Variants in SUCLG2 observed in about 807,000 individuals in gnomAD.
SUCLG2 encodes the protein succinate--CoA ligase [GDP-forming] subunit beta, mitochondrial.
A neutral mutation model predicts 47.9 loss-of-function variants in SUCLG2; 42 were observed. The ratio of observed to expected loss-of-function variants is 0.88; its 90% CI spans 0.69 to 1.14. SUCLG2 has a LOEUF of 1.14. Among genes scored for constraint, SUCLG2 ranks in the 50% most tolerant of loss-of-function variants. The pLI is 0.00. For synonymous variants in SUCLG2, 195 were observed against 197.3 expected (o/e 0.99, Z 0.10); for missense variants, 571 against 525.9 (o/e 1.09, Z -0.84).
At chr3:67,413,380 T>C (rs1014862449) in intron 9 of SUCLG2, among the ~76,000 whole-genome samples, 1 of 152,210 alleles carries the variant, frequency 6.6e-6, no homozygotes, top group African/African-American at 2.4e-5. Context: ...AATCCCCATG[T>C]GGTCTTCCAG....
At chr3:67,639,248 C>G (rs1379555915) in intron 1 of SUCLG2, among the ~76,000 whole-genome samples, 1 of 152,030 alleles carries the variant, frequency 6.6e-6, no homozygotes, top group East Asian at 1.9e-4. Flanking sequence ...TGGAGGGGCT[C>G]AAATGTGGAT....
chr3:67,439,390 C>T (rs1362160292), intron 9 of SUCLG2, among the ~76,000 whole-genome samples: 1 of 152,134 alleles, frequency 6.6e-6, no homozygotes, highest in Non-Finnish European at 1.5e-5. Context: ...CCGGCCAGGG[C>T]AATCAGGCAA....
intron 10 of SUCLG2, among the ~76,000 whole-genome samples, chr3:67,392,791 G>A: frequency 6.6e-6 from 1 of 152,068 alleles, no homozygotes; most frequent in East Asian, 1.9e-4. Flanking sequence ...AATCAAGGCA[G>A]TGGCACCATA....
rs562392165 is a variant in SUCLG2, at chr3:67,385,470, G to A, written c.1184-9611C>T. On this transcript the variant is annotated intron_variant, in intron 10 of 10. Transcript: ENST00000307227. Reference sequence around the variant, plus strand: ...TCTTTGCCTATCACTGGCTCCATCCGGGAGTGGTGATGGTGTAGGGAGCTG... The same window carrying A: ...TCTTTGCCTATCACTGGCTCCATCCAGGAGTGGTGATGGTGTAGGGAGCTG... Among the ~76,000 whole-genome samples the A allele has an allele frequency of 2.6e-5, 4 of 152,322 alleles. No homozygotes were observed. In the South Asian group the frequency reaches 8.3e-4, roughly 32 times the overall value.
chr3:67,536,555 C>A (rs1706548293), intron 2 of SUCLG2, among the ~76,000 whole-genome samples: 1 of 152,202 alleles, frequency 6.6e-6, no homozygotes, highest in Admixed American at 6.5e-5. Context: ...TCTGTGCCTG[C>A]AAATCACCAA....
intron 2 of SUCLG2, among the ~76,000 whole-genome samples, chr3:67,529,651 C>A (rs1310294302): frequency 6.6e-6 from 1 of 152,192 alleles, no homozygotes; most frequent in Non-Finnish European, 1.5e-5. Flanking sequence ...TAGTTAATAA[C>A]TGCATTATTG....
intron 2 of SUCLG2, among the ~76,000 whole-genome samples, chr3:67,593,188 G>A (rs958512344): frequency 6.6e-6 from 1 of 152,066 alleles, no homozygotes; most frequent in Non-Finnish European, 1.5e-5. Flanking sequence ...ATAGTGGCTT[G>A]TTATTATATT....
At chr3:67,571,769 C>T (rs1707617909) in intron 2 of SUCLG2, among the ~76,000 whole-genome samples, 3 of 152,092 alleles carry the variant, frequency 2.0e-5, no homozygotes. Flanking sequence ...ATCACTTTTT[C>T]TTTGGTTTAG....
intron 1 of SUCLG2, among the ~76,000 whole-genome samples, chr3:67,617,235 G>A (rs1009476866): frequency 6.6e-6 from 1 of 152,178 alleles, no homozygotes; most frequent in Non-Finnish European, 1.5e-5. Flanking sequence ...CGGTAAAAGA[G>A]ATTAAGTGGA....
intron 1 of SUCLG2, among the ~76,000 whole-genome samples, chr3:67,624,211 T>A (rs1023855924): frequency 6.6e-6 from 1 of 152,228 alleles, no homozygotes; most frequent in Non-Finnish European, 1.5e-5. Flanking sequence ...CCTAGCTAAC[T>A]CAATCTCACA....
intron 7 of SUCLG2, among the ~76,000 whole-genome samples, chr3:67,503,400 T>G (rs1451654417): frequency 6.6e-6 from 1 of 152,238 alleles, no homozygotes; most frequent in Non-Finnish European, 1.5e-5. Flanking sequence ...GAATACTAAC[T>G]GACTCTTACA....
At chr3:67,604,156 A>T (rs1708479167) in intron 2 of SUCLG2, among the ~76,000 whole-genome samples, 1 of 152,210 alleles carries the variant, frequency 6.6e-6, no homozygotes, top group Non-Finnish European at 1.5e-5. Context: ...TGTTTCAGAA[A>T]CAAAATGTAT....
chr3:67,391,776 C>A (rs1451113240), intron 10 of SUCLG2, among the ~76,000 whole-genome samples: 1 of 152,200 alleles, frequency 6.6e-6, no homozygotes, highest in Non-Finnish European at 1.5e-5. Flanking sequence ...AGGTCCAGTT[C>A]TGTGTCTGAT....
At chr3:67,441,773 G>T (rs956426353) in intron 9 of SUCLG2, among the ~76,000 whole-genome samples, 1 of 152,174 alleles carries the variant, frequency 6.6e-6, no homozygotes, top group Non-Finnish European at 1.5e-5. Flanking sequence ...AAGAAGGAGA[G>T]GGCATGAAAG....
chr3:67,394,286 T>C (rs1026439644), intron 10 of SUCLG2, among the ~76,000 whole-genome samples: 219 of 151,722 alleles, frequency 1.4e-3, no homozygotes, highest in Non-Finnish European at 2.6e-3. Context: ...AAAATTTAGA[T>C]GAATGTATAA....
rs142186386 is a variant in SUCLG2, at chr3:67,538,790, A to G, written c.227-9604T>C. Among the ~76,000 whole-genome samples, 11 of 152,228 alleles carry G rather than the reference A, an allele frequency of 7.2e-5. No homozygotes were observed. The East Asian group carries it at 1.5e-3, about 21-fold the overall frequency. On this transcript the variant is annotated intron_variant, in intron 2 of 10. Coordinates refer to ENST00000307227, the MANE Select transcript of SUCLG2 (RefSeq NM_003848.4). ...GGTCCTTCACAAACCTTGTAGTTGT[A>G]TATCTAGGTATTTTATTCCCTTTGT... is the stretch of plus-strand genomic sequence containing the variant.
intron 10 of SUCLG2, among the ~76,000 whole-genome samples, chr3:67,394,185 G>A (rs1366662777): frequency 9.2e-5 from 14 of 152,170 alleles, no homozygotes; most frequent in African/African-American, 2.2e-4. Context: ...TGACTTTGAC[G>A]AGTTGAGAGA....
chr3:67,511,292 G>T (rs902825110), intron 6 of SUCLG2, among the ~76,000 whole-genome samples: 12 of 152,134 alleles, frequency 7.9e-5, no homozygotes, highest in Non-Finnish European at 1.8e-4. Context: ...TTGTATCTTT[G>T]TCAGTGTGTT....
intron 2 of SUCLG2, among the ~76,000 whole-genome samples, chr3:67,583,044 T>C (rs542534747): frequency 6.6e-6 from 1 of 152,104 alleles, no homozygotes; most frequent in South Asian, 2.1e-4. Context: ...AAAGGGAAAA[T>C]ACCTTACACT....
Sources: gnomAD v4.1 joint callset for allele counts (sites outside exome capture counted in the v4.1 genomes callset) on GRCh38, gnomAD v4.1.1 for gene constraint, MANE v1.5 for transcripts, NCBI Gene and HGNC (gene_info 2026-07-23, HGNC 2026-07-21) for gene names.